The following HDAC7 variants were observed in gnomAD, a reference collection of about 807,000 sequenced individuals.
HDAC7 encodes histone deacetylase 7A.
HDAC7 carries 26 observed loss-of-function variants against 115.5 expected under a neutral mutation model. The ratio of observed to expected loss-of-function variants is 0.23; its 90% CI spans 0.16 to 0.31. The LOEUF (loss-of-function observed/expected upper bound fraction) is 0.31. Ranked by LOEUF, HDAC7 falls within the 10% of genes least tolerant of loss-of-function variation. The pLI is 1.00. For synonymous variants in HDAC7, 564 were observed against 550.9 expected, an observed-to-expected ratio of 1.02 and a Z score of -0.33; for missense variants, 1,068 against 1,329.0, an observed-to-expected ratio of 0.80 and a Z score of 3.05.
intron 19 of HDAC7, 167 bp downstream of exon 19, chr12:47,789,094 C>T (rs564770636): frequency 1.5e-6 from 1 of 655,984 alleles, no homozygotes. Flanking sequence ...CTCTAGGCCT[C>T]CCAACTGTGA....
chr12:47,789,993 C>A, intron 16 of HDAC7, 73 bp from the exon 17 acceptor site: 1 of 1,169,142 alleles, frequency 8.6e-7, no homozygotes, highest in Non-Finnish European at 1.3e-6. Context: ...GGGGTGGTCC[C>A]CACCCCACGG....
chr12:47,794,114 G>C (rs996799679), intron 12 of HDAC7, among the ~76,000 whole-genome samples: 5 of 152,154 alleles, frequency 3.3e-5, no homozygotes, highest in Non-Finnish European at 5.9e-5. Context: ...GTCCTTATAG[G>C]AAGAGGAAAT....
chr12:47,789,411 C>T (rs950373046), intron 18 of HDAC7, 63 bp from the exon 19 acceptor site: 33 of 1,580,056 alleles, frequency 2.1e-5, no homozygotes, highest in African/African-American at 4.0e-5. Context: ...CCCCAGGCCC[C>T]TGGGTTGGCC....
In HDAC7 at chr12:47,793,070, T is replaced by C; in HGVS notation, c.1678+299A>G. On this transcript the variant is annotated intron_variant, in intron 13 of 25. Coordinates refer to ENST00000080059, the MANE Select transcript of HDAC7 (RefSeq NM_015401.5). The surrounding 1 kb of genome is among the most constrained non-coding windows in gnomAD (Gnocchi z 4.5). ...GCTCTTTTTACAAGCAGAGCAACAGTAATAAATATCATTTTTTAAAAGGGC... is the reference window on the plus strand; with the variant it reads ...GCTCTTTTTACAAGCAGAGCAACAGCAATAAATATCATTTTTTAAAAGGGC... 5.1e-6 allele frequency: 2 copies of C among 388,494 alleles called. No homozygotes were observed. The highest frequency in any genetic ancestry group is 9.2e-6 in the Non-Finnish European group (2 of 216,704). 24.1% of individuals were successfully genotyped at this position (388,494 alleles called of 1,614,324 possible). A position where few individuals can be genotyped will look rare whatever the true frequency, so the allele number is the denominator to read the frequency against.
In HDAC7 at chr12:47,791,256, T is replaced by C; in HGVS notation, c.1983+3A>G. On this transcript the variant is annotated splice_donor_region_variant and intron_variant, in intron 16 of 25. Transcript: ENST00000080059. ...CCCCCCTGAGACCCCTGGGCACACT[T>C]ACCCCAACCCCACCACAGGGCAGCA... 2 of 1,599,024 alleles carry C rather than the reference T, an allele frequency of 1.3e-6. No homozygotes were observed. The highest frequency in any genetic ancestry group is 1.7e-6 in the Non-Finnish European group (2 of 1,173,074).
chr12:47,789,549 T>C lies in HDAC7; in HGVS notation c.2121A>G (p.Gly707=). 6.2e-7 allele frequency: 1 copy of C among 1,614,194 alleles called. No individual in the cohort carries two copies. The highest frequency in any genetic ancestry group is 8.5e-7 in the Non-Finnish European group (1 of 1,180,012). ...KNGFAVVRPP[G]HHADHSTAMG... ...TGGCTGTTGAATGATCTGCATGGTG[T>C]CCTGGGGGCCGCACCACAGCGAAAC... The change falls in exon 18 of 26, where the codon GGA becomes GGG. Residue 707 remains glycine, a synonymous_variant. Coordinates refer to ENST00000080059, the MANE Select transcript of HDAC7 (RefSeq NM_015401.5).
At chr12:47,807,596 G>C (rs763280353) in intron 1 of HDAC7, among the ~76,000 whole-genome samples, 1 of 151,874 alleles carries the variant, frequency 6.6e-6, no homozygotes, top group Non-Finnish European at 1.5e-5. Context: ...AGGCCAGCCA[G>C]CAAAGGACAC....
chr12:47,792,369 C>A, intron 13 of HDAC7: 1 of 370,230 alleles, frequency 2.7e-6, no homozygotes, highest in South Asian at 2.5e-5. Context: ...TGAGGCCTAA[C>A]GTACAGCATC....
At chr12:47,791,801 G>GCCCCCCCCCCCCCCCCCCCCCACACAACA in intron 14 of HDAC7, 70 bp downstream of exon 14, 1 of 1,511,074 alleles carries the variant, frequency 6.6e-7, no homozygotes, top group Non-Finnish European at 9.0e-7. Context: ...GGGCCCCAGG[G>GCCCCCCCCCCCCCCCCCCCCCACACAACA]CCCCCCACCC....
chr12:47,797,743 A>C lies in HDAC7; in HGVS notation c.462-244T>G, dbSNP rs1268211670. On this transcript the variant is annotated intron_variant, in intron 5 of 25. Coordinates refer to ENST00000080059, the MANE Select transcript of HDAC7 (RefSeq NM_015401.5). This position sits in a 1 kb window ranked among gnomAD's most constrained non-coding sequence, Gnocchi z 5.5. ...TGCTTGGTGCGTGGGTGAAGAGCCC[A>C]CTGGGGGCTCTGTCACCTGCACTAG... is the stretch of plus-strand genomic sequence containing the variant. 6.6e-6 allele frequency among the ~76,000 whole-genome samples: 1 copy of C among 152,158 alleles called. No individual in the cohort carries two copies. Among genetic ancestry groups the C allele is most frequent in the Non-Finnish European group, 1.5e-5 (1 of 68,002 alleles).
At chr12:47,820,427 A>T (rs1457003900), upstream of HDAC7, 1 of 152,664 alleles carries the variant, frequency 6.6e-6, no homozygotes, top group Non-Finnish European at 1.5e-5. The surrounding 1 kb of genome is among the most constrained non-coding windows in gnomAD (Gnocchi z 4.3). Context: ...GTCCCATACA[A>T]GGAATCCCAG....
intron 12 of HDAC7, among the ~76,000 whole-genome samples, chr12:47,794,021 A>T (rs1311127972): frequency 6.6e-6 from 1 of 152,234 alleles, no homozygotes. Context: ...ACATGACCTT[A>T]TTCAGAGATA....
chr12:47,789,639 G>A (rs1424270448), intron 17 of HDAC7, 61 bp from the exon 18 acceptor site: 38 of 1,568,224 alleles, frequency 2.4e-5, no homozygotes, highest in Non-Finnish European at 3.2e-5. Flanking sequence ...CTGCATGAAC[G>A]TACCCCAAGA....
chr12:47,812,239 T>C (rs1436044032), intron 1 of HDAC7, among the ~76,000 whole-genome samples: 1 of 152,194 alleles, frequency 6.6e-6, no homozygotes, highest in Non-Finnish European at 1.5e-5. Flanking sequence ...GGGTCCACCC[T>C]ATGACTTCTG....
chr12:47,794,151 C>G (rs915319745), intron 12 of HDAC7, among the ~76,000 whole-genome samples: 1 of 152,112 alleles, frequency 6.6e-6, no homozygotes, highest in African/African-American at 2.4e-5. Context: ...AGAGGGAAAC[C>G]ACATGAAGCC....
Position 47,796,237 on chromosome 12 carries a change from C to G in HDAC7, c.765G>C (p.Glu255Asp). The G allele has an allele frequency of 6.2e-7, 1 of 1,606,522 alleles. No homozygotes were observed. Among genetic ancestry groups the G allele is most frequent in the Non-Finnish European group, 8.5e-7 (1 of 1,178,030 alleles). ...ASGCSSPNDS[E>D]HGPNPILGSE... ...AGCCCAGGATGGGATTGGGGCCGTG[C>G]TCGCTGTCATTGGGGGAGCTGCACC... The change falls in exon 8 of 26, where the codon GAG (glutamate) becomes GAC (aspartate). Residue 255 changes from glutamate to aspartate, a missense_variant. Physicochemically the swap from Glu to Asp is conservative, Grantham distance 45 (BLOSUM62 2). Transcript: ENST00000080059.
At chr12:47,792,622 A>G (rs1326005899) in intron 13 of HDAC7, 1 of 455,942 alleles carries the variant, frequency 2.2e-6, no homozygotes, top group Admixed American at 2.3e-5. Flanking sequence ...ACGACTCTCA[A>G]AATGCTCACA....
At chr12:47,792,283 A>G in intron 13 of HDAC7, 1 of 496,316 alleles carries the variant, frequency 2.0e-6, no homozygotes, top group South Asian at 2.5e-5. Flanking sequence ...CGGCCTTCCC[A>G]CATGCGGACA....
intron 1 of HDAC7, among the ~76,000 whole-genome samples, chr12:47,809,158 C>T (rs11168244): frequency 0.16 from 24,092 of 152,190 alleles, 2,520 homozygotes; most frequent in Non-Finnish European, 0.23. Flanking sequence ...ACAGGAAGCA[C>T]AGTCACCGCC....
Sources: allele counts gnomAD v4.1 joint callset (sites outside exome capture counted in the v4.1 genomes callset), GRCh38; gene constraint gnomAD v4.1.1; non-coding constraint Gnocchi (gnomAD v3.1); transcripts MANE v1.5; gene names NCBI Gene and HGNC (gene_info 2026-07-23, HGNC 2026-07-21).